The following NMT1 variants were observed in gnomAD, a reference collection of about 807,000 sequenced individuals.
The protein encoded by NMT1 is N-myristoyltransferase 1.
Under a neutral mutation model 63.4 loss-of-function variants are expected in NMT1, and 12 were observed. That is an observed-to-expected ratio of 0.19 (90% confidence interval 0.12 to 0.31). The LOEUF is 0.31. Ranked by LOEUF, NMT1 falls within the 10% of genes least tolerant of loss-of-function variation. NMT1 has a pLI of 1.00. For synonymous variants in NMT1, 228 were observed against 234.3 expected (o/e 0.97, Z 0.25); for missense variants, 432 against 634.6 (o/e 0.68, Z 3.43).
At chr17:45,066,265 G>C (rs1259470198) in intron 1 of NMT1, among the ~76,000 whole-genome samples, 1 of 151,948 alleles carries the variant, frequency 6.6e-6, no homozygotes, top group Non-Finnish European at 1.5e-5. Context: ...TTGTTGCCCA[G>C]GCTGGTCTTG....
chr17:45,061,815 CGT>C (rs1406235594), intron 1 of NMT1: 3 of 170,752 alleles, frequency 1.8e-5, no homozygotes, highest in African/African-American at 4.8e-5. Flanking sequence ...TACTTATAGA[CGT>C]GTTGTTTGAA....
Position 45,105,836 on chromosome 17 carries a change from G to A in NMT1, c.*197G>A, listed in dbSNP as rs566098238. 1.2e-4 allele frequency: 67 copies of A among 564,156 alleles called. 1 individual carries two copies. The Middle Eastern group carries it at 2.3e-3, about 19-fold the overall frequency. The allele number at this position is 564,156 out of a possible 1,614,324, so 34.9% of individuals were successfully genotyped here. ...GGGCTGCGTGACGTCACCTCCGGTC[G>A]TGTCTCTGGTCTCCGTGTTTTCCAG... On this transcript the variant is annotated 3_prime_UTR_variant, in exon 12 of 12. Transcript: ENST00000258960. The surrounding 1 kb of genome is among the most constrained non-coding windows in gnomAD (Gnocchi z 4.2).
At chr17:45,077,411 A>G (rs1277966698) in intron 1 of NMT1, among the ~76,000 whole-genome samples, 2 of 152,022 alleles carry the variant, frequency 1.3e-5, no homozygotes, top group Non-Finnish European at 2.9e-5. Flanking sequence ...GTTTTTTGAG[A>G]TGGAGTTTTG....
intron 6 of NMT1, 60 bp downstream of exon 6, chr17:45,097,304 A>T: frequency 3.8e-6 from 5 of 1,308,632 alleles, no homozygotes; most frequent in South Asian, 1.2e-5. Flanking sequence ...GGTCTGGGAG[A>T]GAGTAGAAAA....
chr17:45,074,066 G>A (rs977632434), intron 1 of NMT1, among the ~76,000 whole-genome samples: 1 of 151,956 alleles, frequency 6.6e-6, no homozygotes, highest in African/African-American at 2.4e-5. Context: ...CCTCCCACCC[G>A]CTCACATACC....
rs768521050 is a variant in NMT1, at chr17:45,061,319, C to T, written c.-11C>T. 1.9e-6 allele frequency: 3 copies of T among 1,612,488 alleles called. No individual in the cohort carries two copies. The highest frequency in any genetic ancestry group is 2.2e-5 in the East Asian group (1 of 44,854). On this transcript the variant is annotated 5_prime_UTR_variant, in exon 1 of 12. Coordinates refer to ENST00000258960, the MANE Select transcript of NMT1 (RefSeq NM_021079.5). ...GTAGTGGGGCGCGGAGCCCTGCTCT[C>T]GCAACTCAAGATGGCGGACGAGAGT... is the stretch of plus-strand genomic sequence containing the variant.
rs981101330 is a variant in NMT1, at chr17:45,105,896, A to G, written c.*257A>G. ...TCCTCATGCAGCCGTGATCAAGGGA[A>G]TGTAACTGCTGAAAACTAGCTCGTG... On this transcript the variant is annotated 3_prime_UTR_variant, in exon 12 of 12. Coordinates refer to ENST00000258960, the MANE Select transcript of NMT1 (RefSeq NM_021079.5). This position sits in a 1 kb window ranked among gnomAD's most constrained non-coding sequence, Gnocchi z 4.2. The G allele has an allele frequency of 8.9e-6, 4 of 447,586 alleles. No individual in the cohort carries two copies. The highest frequency in any genetic ancestry group is 8.2e-5 in the African/African-American group (4 of 48,740). 27.7% of individuals were successfully genotyped at this position (447,586 alleles called of 1,614,324 possible). A position where few individuals can be genotyped will look rare whatever the true frequency, so the allele number is the denominator to read the frequency against.
Position 45,070,083 on chromosome 17 carries a change from C to T in NMT1, c.131+8623C>T, listed in dbSNP as rs115705002. ...TTTTAAGGAGTTTAGTATACCAGAG[C>T]TTTTGTGACCTCTAAAAAGCAGTTA... On this transcript the variant is annotated intron_variant, in intron 1 of 11. Coordinates refer to ENST00000258960, the MANE Select transcript of NMT1 (RefSeq NM_021079.5). Among the ~76,000 whole-genome samples, 253 of 152,256 alleles carry T rather than the reference C, an allele frequency of 1.7e-3. 4 individuals carry two copies. The highest frequency in any genetic ancestry group is 5.9e-3 in the African/African-American group (246 of 41,560).
intron 1 of NMT1, among the ~76,000 whole-genome samples, chr17:45,073,332 C>T (rs565190777): frequency 1.3e-5 from 2 of 151,922 alleles, no homozygotes; most frequent in African/African-American, 4.8e-5. Flanking sequence ...GGAAGAGAAT[C>T]GCTTGAACCC....
chr17:45,086,655 A>G lies in NMT1; in HGVS notation c.385+3A>G, dbSNP rs1244811896. On this transcript the variant is annotated splice_donor_region_variant and intron_variant, in intron 3 of 11. Transcript: ENST00000258960. ...TACGCAGCCCGTCCCCAAGCTGGGTATGTACATGCTTGCTTTCTTTGCCAG... is the reference window on the plus strand; with the variant it reads ...TACGCAGCCCGTCCCCAAGCTGGGTGTGTACATGCTTGCTTTCTTTGCCAG... 1 of 1,608,036 alleles carries G rather than the reference A, an allele frequency of 6.2e-7. No individual in the cohort carries two copies. The highest frequency in any genetic ancestry group is 2.2e-5 in the East Asian group (1 of 44,560).
intron 1 of NMT1, among the ~76,000 whole-genome samples, chr17:45,072,575 T>TAAAAAAAGAAAG (rs2053948549): frequency 8.0e-6 from 1 of 125,456 alleles, no homozygotes; most frequent in African/African-American, 3.1e-5. Flanking sequence ...TATTTTTTTT[T>TAAAAAAAGAAAG]TTGAGATGGA....
At chr17:45,062,891 T>G (rs1370714018) in intron 1 of NMT1, among the ~76,000 whole-genome samples, 1 of 152,082 alleles carries the variant, frequency 6.6e-6, no homozygotes, top group East Asian at 1.9e-4. Flanking sequence ...TTAAAAGATC[T>G]AGCTTTTATG....
At chr17:45,075,143 G>A (rs1049913933) in intron 1 of NMT1, among the ~76,000 whole-genome samples, 3 of 152,234 alleles carry the variant, frequency 2.0e-5, no homozygotes, top group East Asian at 1.9e-4. Context: ...AGCCATGATC[G>A]TGCCACTGCA....
Position 45,093,710 on chromosome 17 carries a change from C to G in NMT1, c.411C>G (p.Pro137=), listed in dbSNP as rs147841016. The G allele has an allele frequency of 2.3e-4, 369 of 1,614,230 alleles. No homozygotes were observed. The highest frequency in any genetic ancestry group is 3.0e-4 in the Non-Finnish European group (350 of 1,180,034). ...GCGAAGTGGTGAACACCCATGGCCC[C>G]GTGGAGCCTGACAAGGACAATATCC... The part of the protein sequence containing the change: ...KLGEVVNTHG[P]VEPDKDNIRQ... Residue 137 remains proline, a synonymous_variant, in exon 4 of 12, where the codon CCC becomes CCG. Coordinates refer to ENST00000258960, the MANE Select transcript of NMT1 (RefSeq NM_021079.5).
chr17:45,091,186 T>TCACACACACACACACACA (rs1567868410), intron 3 of NMT1, among the ~76,000 whole-genome samples: 1 of 71,812 alleles, frequency 1.4e-5, no homozygotes, highest in African/African-American at 4.6e-5. Context: ...AGGTCTTTCC[T>TCACACACACACACACACA]GACACACACA....
intron 1 of NMT1, among the ~76,000 whole-genome samples, chr17:45,075,317 C>G (rs2053970317): frequency 1.3e-5 from 2 of 151,764 alleles, no homozygotes; most frequent in African/African-American, 2.4e-5. Flanking sequence ...AACCCCGTCT[C>G]TACTAAAAAT....
Position 45,104,508 on chromosome 17 carries a change from A to T in NMT1, c.1333-351A>T, listed in dbSNP as rs2054190598. 1 of 1,118,172 alleles carries T rather than the reference A, an allele frequency of 8.9e-7. No homozygotes were observed. Among genetic ancestry groups the T allele is most frequent in the South Asian group, 2.7e-5 (1 of 36,864 alleles). 69.3% of individuals were successfully genotyped at this position (1,118,172 alleles called of 1,614,324 possible). The stretch of plus-strand genomic sequence containing the variant: ...ACACAAACCCCATGTAGCTGACCAG[A>T]GCCAGCTTCTCAGAGGAATGGGCTC... On this transcript the variant is annotated intron_variant, in intron 10 of 11. Transcript: ENST00000258960. The surrounding 1 kb of genome is among the most constrained non-coding windows in gnomAD (Gnocchi z 4.2).
At chr17:45,065,262 T>C (rs1313040265) in intron 1 of NMT1, among the ~76,000 whole-genome samples, 1 of 152,066 alleles carries the variant, frequency 6.6e-6, no homozygotes, top group Non-Finnish European at 1.5e-5. Flanking sequence ...GGATGTCAGA[T>C]TTTTCTTACA....
In NMT1 at chr17:45,104,549, G is replaced by T; in HGVS notation, c.1333-310G>T. On this transcript the variant is annotated intron_variant, in intron 10 of 11. Transcript: ENST00000258960. This position sits in a 1 kb window ranked among gnomAD's most constrained non-coding sequence, Gnocchi z 4.2. ...GAATGGGCTCAGGGTTTGGACTCCAGAGAGGACTGTGGAAATTACTAGAGT... is the reference window on the plus strand; with the variant it reads ...GAATGGGCTCAGGGTTTGGACTCCATAGAGGACTGTGGAAATTACTAGAGT... 8.5e-7 allele frequency: 1 copy of T among 1,174,134 alleles called. No homozygotes were observed. The highest frequency in any genetic ancestry group is 1.1e-6 in the Non-Finnish European group (1 of 944,236). The allele number at this position is 1,174,134 out of a possible 1,614,324, so 72.7% of individuals were successfully genotyped here.
Sources: allele counts gnomAD v4.1 joint callset (sites outside exome capture counted in the v4.1 genomes callset), GRCh38; gene constraint gnomAD v4.1.1; non-coding constraint Gnocchi (gnomAD v3.1); transcripts MANE v1.5; gene names NCBI Gene and HGNC (gene_info 2026-07-23, HGNC 2026-07-21).